The following FOXP1 variants were observed in gnomAD, a reference collection of about 807,000 sequenced individuals.
FOXP1 encodes forkhead box protein P1.
FOXP1 carries 15 observed loss-of-function variants against 98.2 expected under a neutral mutation model. That is an observed-to-expected ratio of 0.15 (90% CI 0.10 to 0.24). The LOEUF (loss-of-function observed/expected upper bound fraction) is 0.24. Among genes scored for constraint, FOXP1 ranks in the 10% least tolerant of loss-of-function variants. The probability of loss-of-function intolerance (pLI) is 1.00; values close to 1 mark genes in which losing one functional copy is unlikely to be tolerated. For synonymous variants in FOXP1, 371 were observed against 314.5 expected (o/e 1.18, Z -1.90); for missense variants, 633 against 848.5 (o/e 0.75, Z 3.15).
intron 12 of FOXP1, among the ~76,000 whole-genome samples, chr3:71,011,042 C>T (rs2043535777): frequency 6.6e-6 from 1 of 152,076 alleles, no homozygotes; most frequent in African/African-American, 2.4e-5. Flanking sequence ...AGGCAAGATC[C>T]TGATACCTGA....
intron 19 of FOXP1, chr3:70,969,925 G>C (rs1344855609): frequency 5.3e-5 from 8 of 152,312 alleles, no homozygotes; most frequent in Non-Finnish European, 1.2e-4. Context: ...ATGAACTCTT[G>C]AGGGGGGACT....
At chr3:71,378,737 T>C (rs905628986) in intron 3 of FOXP1, among the ~76,000 whole-genome samples, 1 of 151,692 alleles carries the variant, frequency 6.6e-6, no homozygotes, top group Non-Finnish European at 1.5e-5. Context: ...AATATAACTG[T>C]TATATTGTTT....
Position 71,027,359 on chromosome 3 carries a change from G to A in FOXP1, c.870-11706C>T, listed in dbSNP as rs141209286. On this transcript the variant is annotated intron_variant, in intron 11 of 20. Transcript: ENST00000649528. ...CTAAGAGTTACATCATACTTCAAAA[G>A]CAGAACCATACACAAGGGCCAGACC... Among the ~76,000 whole-genome samples, 208 of 152,248 alleles carry A rather than the reference G, an allele frequency of 1.4e-3. 1 individual carries two copies. Among genetic ancestry groups the A allele is most frequent in the African/African-American group, 5.0e-3 (206 of 41,542 alleles).
At chr3:71,557,952 A>G (rs853865) in intron 2 of FOXP1, among the ~76,000 whole-genome samples, 150,573 of 152,312 alleles carry the variant, frequency 0.99, 74,435 homozygotes, top group Middle Eastern at 1. Flanking sequence ...AAGTAGCTGG[A>G]ATTATAGGCA....
At chr3:71,290,079 T>C (rs1456350866) in intron 5 of FOXP1, 1 of 152,206 alleles carries the variant, frequency 6.6e-6, no homozygotes, top group Non-Finnish European at 1.5e-5. Context: ...AAATGCCCAC[T>C]TGGCATCTTA....
intron 4 of FOXP1, among the ~76,000 whole-genome samples, chr3:71,338,896 C>T (rs1033522145): frequency 1.3e-5 from 2 of 152,038 alleles, no homozygotes; most frequent in Admixed American, 6.5e-5. Context: ...GTACCACACG[C>T]TAAGAAACAC....
At chr3:70,990,068 C>T (rs1018225958) in intron 13 of FOXP1, among the ~76,000 whole-genome samples, 5 of 152,174 alleles carry the variant, frequency 3.3e-5, no homozygotes, top group African/African-American at 4.8e-5. Context: ...GAGCACATTG[C>T]TTAGAATTCA....
At chr3:71,140,326 C>T (rs78590269) in intron 6 of FOXP1, among the ~76,000 whole-genome samples, 6,752 of 152,210 alleles carry the variant, frequency 0.044, 303 homozygotes, top group African/African-American at 0.11. Context: ...AAGATTTGAT[C>T]GCATTTATGA....
At chr3:71,043,019 C>A (rs2048552306) in intron 10 of FOXP1, among the ~76,000 whole-genome samples, 1 of 152,074 alleles carries the variant, frequency 6.6e-6, no homozygotes, top group South Asian at 2.1e-4. Context: ...GGATCGTTTG[C>A]ATATCAAAGA....
At chr3:71,510,599 T>A (rs954596448) in intron 2 of FOXP1, among the ~76,000 whole-genome samples, 1 of 152,200 alleles carries the variant, frequency 6.6e-6, no homozygotes, top group East Asian at 1.9e-4. Flanking sequence ...TAGACACTTA[T>A]GTGTAGTGTC....
Position 71,467,553 on chromosome 3 carries a change from G to A in FOXP1, c.-168+25873C>T, listed in dbSNP as rs548977235. On this transcript the variant is annotated intron_variant, in intron 3 of 20. Coordinates refer to ENST00000649528, the MANE Select transcript of FOXP1 (RefSeq NM_001349338.3). ...CAAGGTGTGTCCTCAGCCATGCCAC[G>A]ACAGCTCTTGTATTAAAGGAAGAAA... Among the ~76,000 whole-genome samples, 173 of 152,274 alleles carry A rather than the reference G, an allele frequency of 1.1e-3. 2 individuals carry two copies. The highest frequency in any genetic ancestry group is 2.1e-3 in the South Asian group (10 of 4,828).
chr3:70,967,479 G>A (rs1172159117), intron 19 of FOXP1, among the ~76,000 whole-genome samples: 1 of 152,040 alleles, frequency 6.6e-6, no homozygotes, highest in East Asian at 1.9e-4. Context: ...TTAAAAAGTA[G>A]GGGGAAAATC....
chr3:71,046,768 C>G (rs990848871), intron 10 of FOXP1, among the ~76,000 whole-genome samples, 174 bp downstream of exon 10: 11 of 152,204 alleles, frequency 7.2e-5, no homozygotes, highest in Admixed American at 1.3e-4. Flanking sequence ...ATTTTGGCAT[C>G]AACAAGCATT....
chr3:71,498,951 A>G (rs1184820699), intron 2 of FOXP1, among the ~76,000 whole-genome samples: 1 of 152,106 alleles, frequency 6.6e-6, no homozygotes, highest in Admixed American at 6.5e-5. Context: ...GAAGGAGTTC[A>G]TTTCCCACCT....
chr3:71,335,681 T>G (rs2076618668), intron 4 of FOXP1, among the ~76,000 whole-genome samples: 1 of 152,124 alleles, frequency 6.6e-6, no homozygotes, highest in South Asian at 2.1e-4. Context: ...GGTTTCTAGA[T>G]AAATGGTTGA....
Position 71,538,886 on chromosome 3 carries a change from C to T in FOXP1, c.-298+42663G>A, listed in dbSNP as rs145995915. On this transcript the variant is annotated intron_variant, in intron 2 of 20. Coordinates refer to ENST00000649528, the MANE Select transcript of FOXP1 (RefSeq NM_001349338.3). Reference sequence around the variant, plus strand: ...AGAGGTCCAACTACATTCTTTTGCACGTGAATATACTGTTTTTCTCAGCAT... The same window carrying T: ...AGAGGTCCAACTACATTCTTTTGCATGTGAATATACTGTTTTTCTCAGCAT... 1.0e-3 allele frequency among the ~76,000 whole-genome samples: 158 copies of T among 152,164 alleles called. 2 individuals are homozygous for T. Among genetic ancestry groups the T allele is most frequent in the African/African-American group, 3.7e-3 (152 of 41,506 alleles).
In FOXP1 at chr3:71,485,914, T is replaced by C. The variant is rs2090612660; in HGVS notation, c.-168+7512A>G. Among the ~76,000 whole-genome samples the C allele has an allele frequency of 2.6e-5, 4 of 152,340 alleles. No individual in the cohort carries two copies. In the South Asian group the frequency reaches 8.3e-4, roughly 32 times the overall value. On this transcript the variant is annotated intron_variant, in intron 3 of 20. Transcript: ENST00000649528. ...ATTTTTGGAGGAAGCCATTCCCTTT[T>C]ACATTGCTGCCTCTATAAAAATCTT... is the stretch of plus-strand genomic sequence containing the variant.
At chr3:71,233,219 G>T (rs1203445806) in intron 5 of FOXP1, among the ~76,000 whole-genome samples, 3 of 149,216 alleles carry the variant, frequency 2.0e-5, no homozygotes, top group African/African-American at 7.4e-5. Flanking sequence ...GAGAAGGGGA[G>T]GGAAGGCATG....
intron 10 of FOXP1, among the ~76,000 whole-genome samples, chr3:71,045,045 C>T (rs2048839588): frequency 6.6e-6 from 1 of 152,150 alleles, no homozygotes; most frequent in Non-Finnish European, 1.5e-5. Context: ...AACCAACCTC[C>T]TGATTCAGAG....
Sources: gnomAD v4.1 joint callset for allele counts (sites outside exome capture counted in the v4.1 genomes callset) on GRCh38, gnomAD v4.1.1 for gene constraint, MANE v1.5 for transcripts, NCBI Gene and HGNC (gene_info 2026-07-23, HGNC 2026-07-21) for gene names.